Variants in EXOC4 observed in about 807,000 individuals in gnomAD.
EXOC4 encodes exocyst complex component 4.
EXOC4 carries 71 observed loss-of-function variants against 107.2 expected under a neutral mutation model. That is an observed-to-expected ratio of 0.66 (90% confidence interval 0.55 to 0.81). EXOC4 has a LOEUF of 0.81. Ranked by LOEUF, EXOC4 falls within the 30% of genes least tolerant of loss-of-function variation. EXOC4 has a pLI of 0.00. For synonymous variants in EXOC4, 456 were observed against 441.2 expected, an observed-to-expected ratio of 1.03 and a Z score of -0.42; for missense variants, 1,108 against 1,189.6, an observed-to-expected ratio of 0.93 and a Z score of 1.01.
At chr7:133,847,593 C>T (rs565379738) in intron 11 of EXOC4, among the ~76,000 whole-genome samples, 1 of 149,742 alleles carries the variant, frequency 6.7e-6, no homozygotes, top group Admixed American at 6.7e-5. Context: ...CCATGTTAGC[C>T]AGGCTGGTCT....
At chr7:133,417,617 A>G (rs1259032119) in intron 7 of EXOC4, among the ~76,000 whole-genome samples, 3 of 152,130 alleles carry the variant, frequency 2.0e-5, no homozygotes, top group African/African-American at 7.2e-5. Flanking sequence ...CAATTGGGGA[A>G]CATCTATGCC....
At chr7:133,335,565 T>A (rs1425238426) in intron 5 of EXOC4, among the ~76,000 whole-genome samples, 3 of 152,226 alleles carry the variant, frequency 2.0e-5, no homozygotes, top group Non-Finnish European at 4.4e-5. Context: ...TAATACTCCA[T>A]TGTATATATA....
chr7:133,631,176 C>T (rs1015785921), intron 10 of EXOC4, among the ~76,000 whole-genome samples: 13 of 152,088 alleles, frequency 8.5e-5, no homozygotes, highest in Admixed American at 3.9e-4. Flanking sequence ...GTGGCATTTT[C>T]GCATAATAGA....
rs1404268075 is a variant in EXOC4, at chr7:133,270,923, T to TC, written c.87-4059_87-4058insC. ...TAGTCAGCTCTTTCATGCTTTGCTTTTTTTTTTTTTTTTGAGATGGAGTCT... is the reference window on the plus strand; with the variant it reads ...TAGTCAGCTCTTTCATGCTTTGCTTTCTTTTTTTTTTTTTGAGATGGAGTCT... On this transcript the variant is annotated intron_variant, in intron 1 of 17. Transcript: ENST00000253861. 2.7e-5 allele frequency among the ~76,000 whole-genome samples: 4 copies of TC among 150,238 alleles called. No individual in the cohort carries two copies. The East Asian group carries it at 7.8e-4, about 29-fold the overall frequency.
At chr7:133,580,993 G>A (rs763262223) in intron 9 of EXOC4, among the ~76,000 whole-genome samples, 3 of 152,132 alleles carry the variant, frequency 2.0e-5, no homozygotes, top group African/African-American at 7.2e-5. Context: ...CTTTCCTTCC[G>A]AGTGCTGTAT....
intron 10 of EXOC4, among the ~76,000 whole-genome samples, chr7:133,649,467 C>CTTTCT (rs1554376442): frequency 1.2e-5 from 1 of 85,404 alleles, no homozygotes; most frequent in Non-Finnish European, 2.3e-5. Flanking sequence ...ACTACTTTTT[C>CTTTCT]TTTTTTTTTT....
At chr7:133,495,053 C>T (rs1028844978) in intron 9 of EXOC4, among the ~76,000 whole-genome samples, 6 of 152,048 alleles carry the variant, frequency 3.9e-5, no homozygotes, top group African/African-American at 7.2e-5. Context: ...GGGCAGATCA[C>T]GTGAGATCAG....
At chr7:133,464,700 T>A (rs1469848252) in intron 7 of EXOC4, among the ~76,000 whole-genome samples, 1 of 151,730 alleles carries the variant, frequency 6.6e-6, no homozygotes, top group Non-Finnish European at 1.5e-5. Flanking sequence ...TATATTATGA[T>A]GAAACATACT....
intron 14 of EXOC4, among the ~76,000 whole-genome samples, chr7:133,977,515 G>A (rs1423223384): frequency 1.3e-5 from 2 of 152,148 alleles, no homozygotes; most frequent in African/African-American, 2.4e-5. Flanking sequence ...CTATAGGAAC[G>A]GTGCCATAAT....
At chr7:133,534,201 A>G (rs549561291) in intron 9 of EXOC4, among the ~76,000 whole-genome samples, 1 of 152,066 alleles carries the variant, frequency 6.6e-6, no homozygotes, top group South Asian at 2.1e-4. Flanking sequence ...GCCATTTTTG[A>G]TTTAGTGTAG....
At chr7:134,084,010 T>G in the EXOC4 span, among the ~76,000 whole-genome samples, 1 of 152,188 alleles carries the variant, frequency 6.6e-6, no homozygotes, top group Non-Finnish European at 1.5e-5. Context: ...AAGTGAGGCT[T>G]ATTATAGCAA....
intron 13 of EXOC4, among the ~76,000 whole-genome samples, chr7:133,919,778 A>C (rs982729068): frequency 2.6e-5 from 4 of 152,024 alleles, no homozygotes; most frequent in Admixed American, 6.6e-5. Flanking sequence ...CACTCTATTC[A>C]CTCATCTATT....
chr7:133,900,487 G>A (rs1352310613), intron 12 of EXOC4, among the ~76,000 whole-genome samples: 7 of 152,176 alleles, frequency 4.6e-5, no homozygotes, highest in Non-Finnish European at 7.3e-5. Flanking sequence ...CTGGAGGATC[G>A]CGAATGTCAG....
intron 10 of EXOC4, among the ~76,000 whole-genome samples, chr7:133,755,072 G>C (rs1795869965): frequency 6.6e-6 from 1 of 150,758 alleles, no homozygotes; most frequent in South Asian, 2.1e-4. Context: ...ATAATGAAAA[G>C]CTGAGAAACA....
intron 9 of EXOC4, among the ~76,000 whole-genome samples, chr7:133,606,524 T>A (rs1410516992): frequency 7.0e-6 from 1 of 143,486 alleles, no homozygotes; most frequent in Non-Finnish European, 1.5e-5. Flanking sequence ...ATTATTTTTT[T>A]TTTTTTTTGA....
At chr7:133,962,361 A>G (rs1800966539) in intron 14 of EXOC4, among the ~76,000 whole-genome samples, 1 of 152,206 alleles carries the variant, frequency 6.6e-6, no homozygotes, top group African/African-American at 2.4e-5. Flanking sequence ...CTTTTCTGTC[A>G]CAGCTAATTG....
intron 7 of EXOC4, among the ~76,000 whole-genome samples, chr7:133,375,589 AAT>A (rs1457606680): frequency 1.3e-5 from 2 of 152,170 alleles, no homozygotes; most frequent in African/African-American, 2.4e-5. Context: ...ACTTGACTGG[AAT>A]TAGTCATATA....
intron 2 of EXOC4, among the ~76,000 whole-genome samples, chr7:133,276,476 C>T (rs1793994697): frequency 1.3e-5 from 2 of 152,172 alleles, no homozygotes; most frequent in South Asian, 2.1e-4. Flanking sequence ...AATTTAAACT[C>T]TAATCTCCCA....
intron 11 of EXOC4, among the ~76,000 whole-genome samples, chr7:133,844,529 A>G (rs1464519471): frequency 6.6e-6 from 1 of 151,692 alleles, no homozygotes; most frequent in Non-Finnish European, 1.5e-5. Context: ...AGCTGGGACT[A>G]CAGGCATGCA....
Sources: gnomAD v4.1 joint callset for allele counts (sites outside exome capture counted in the v4.1 genomes callset) on GRCh38, gnomAD v4.1.1 for gene constraint, MANE v1.5 for transcripts, NCBI Gene and HGNC (gene_info 2026-07-23, HGNC 2026-07-21) for gene names.